RSRC1: variants seen among roughly 807,000 people sequenced by gnomAD.
The protein encoded by RSRC1 is serine/Arginine-related protein 53.
Under a neutral mutation model 49.1 loss-of-function variants are expected in RSRC1, and 39 were observed. The observed-to-expected ratio is 0.79, with a 90% CI of 0.61 to 1.04. The LOEUF (loss-of-function observed/expected upper bound fraction) is 1.04. RSRC1 is among the 50% of genes least tolerant of loss of function. The pLI is 0.00. For synonymous variants in RSRC1, 143 were observed against 130.8 expected, an observed-to-expected ratio of 1.09 and a Z score of -0.63; for missense variants, 388 against 402.4, an observed-to-expected ratio of 0.96 and a Z score of 0.31.
At chr3:158,325,649 A>C (rs1190393936) in intron 5 of RSRC1, among the ~76,000 whole-genome samples, 2 of 152,168 alleles carry the variant, frequency 1.3e-5, no homozygotes, top group African/African-American at 2.4e-5. Context: ...GTATTGTTTG[A>C]AGTCAGGTAG....
At position 158,117,662 on chromosome 3, in the gene RSRC1, A is replaced by G. The variant is rs1714930041; in HGVS notation, c.-2-4441A>G. On this transcript the variant is annotated intron_variant, in intron 1 of 9. Coordinates refer to ENST00000611884, the MANE Select transcript of RSRC1 (RefSeq NM_001271838.2). The stretch of plus-strand genomic sequence containing the variant: ...GTTTTTAAAGACAGGATCTCACCCT[A>G]TCACCCAGGCTGGGGGTGCAGTGGT... 3.3e-5 allele frequency among the ~76,000 whole-genome samples: 5 copies of G among 151,960 alleles called. No individual in the cohort carries two copies. In the South Asian group the frequency reaches 8.3e-4, roughly 25 times the overall value.
chr3:158,216,108 T>C (rs1228802339), intron 4 of RSRC1, among the ~76,000 whole-genome samples: 1 of 151,580 alleles, frequency 6.6e-6, no homozygotes. Context: ...TAAGTAGACA[T>C]ATATTTTATT....
At chr3:158,284,807 G>C (rs1726413270) in intron 4 of RSRC1, among the ~76,000 whole-genome samples, 1 of 150,686 alleles carries the variant, frequency 6.6e-6, no homozygotes, top group Non-Finnish European at 1.5e-5. Flanking sequence ...TTTGTCAGAT[G>C]AGTAGGTTGC....
At chr3:158,447,714 T>C (rs1293904341) in intron 6 of RSRC1, among the ~76,000 whole-genome samples, 3 of 151,878 alleles carry the variant, frequency 2.0e-5, no homozygotes, top group African/African-American at 7.2e-5. Context: ...TTTCCTTTCA[T>C]GAATTGAAGC....
At chr3:158,187,094 A>G (rs1365649197) in intron 3 of RSRC1, among the ~76,000 whole-genome samples, 2 of 151,964 alleles carry the variant, frequency 1.3e-5, no homozygotes, top group East Asian at 3.8e-4. Context: ...TTTATCACTC[A>G]TTGGCTCTGC....
intron 6 of RSRC1, among the ~76,000 whole-genome samples, chr3:158,429,091 T>C (rs1422987251): frequency 6.6e-6 from 1 of 151,902 alleles, no homozygotes; most frequent in Non-Finnish European, 1.5e-5. Flanking sequence ...TCTGCAGTGT[T>C]GATTTAGGCA....
In RSRC1 at chr3:158,137,075, T is replaced by C. The variant is rs925477681; in HGVS notation, c.320+13084T>C. Among the ~76,000 whole-genome samples, 42 of 152,316 alleles carry C rather than the reference T, an allele frequency of 2.8e-4. 1 individual carries two copies. The highest frequency in any genetic ancestry group is 9.4e-4 in the African/African-American group (39 of 41,578). ...GAGTCTAACCATGTATGCAGTTAAT[T>C]TTTATTCAGGTCACTATTTATTTTC... On this transcript the variant is annotated intron_variant, in intron 3 of 9. Transcript: ENST00000611884.
At chr3:158,414,487 C>G (rs1268932069) in intron 6 of RSRC1, among the ~76,000 whole-genome samples, 1 of 151,998 alleles carries the variant, frequency 6.6e-6, no homozygotes, top group Non-Finnish European at 1.5e-5. Flanking sequence ...TGCAGCAAAC[C>G]CACTGTGGCA....
chr3:158,366,767 C>T (rs1161883236), intron 6 of RSRC1, among the ~76,000 whole-genome samples: 1 of 152,094 alleles, frequency 6.6e-6, no homozygotes, highest in African/African-American at 2.4e-5. Flanking sequence ...GATATTGATT[C>T]TTCCTATCCA....
intron 4 of RSRC1, among the ~76,000 whole-genome samples, chr3:158,265,358 CA>C (rs2108043542): frequency 6.6e-6 from 1 of 152,262 alleles, no homozygotes; most frequent in South Asian, 2.1e-4. Flanking sequence ...AGGCTGGGTA[CA>C]GTGGCTCATG....
At chr3:158,311,570 T>C (rs73168704) in intron 5 of RSRC1, among the ~76,000 whole-genome samples, 18,258 of 151,856 alleles carry the variant, frequency 0.12, 1,345 homozygotes, top group Middle Eastern at 0.19. Flanking sequence ...TACTCCCCTT[T>C]TCCTCTACAC....
chr3:158,143,483 A>AT, intron 3 of RSRC1, among the ~76,000 whole-genome samples: 1 of 152,208 alleles, frequency 6.6e-6, no homozygotes, highest in Middle Eastern at 3.4e-3. Flanking sequence ...GACATTACTT[A>AT]TTTTTTTAAA....
intron 7 of RSRC1, among the ~76,000 whole-genome samples, chr3:158,518,098 G>A (rs1274455961): frequency 0.037 from 1,014 of 27,224 alleles, 8 homozygotes; most frequent in African/African-American, 0.069. Flanking sequence ...GTGCGTGCGT[G>A]TGTGTGTGTG....
chr3:158,504,400 C>G (rs1381694555), intron 7 of RSRC1, among the ~76,000 whole-genome samples: 1 of 152,168 alleles, frequency 6.6e-6, no homozygotes, highest in East Asian at 1.9e-4. Context: ...TCCCATCTGC[C>G]ATGATCAGAT....
intron 1 of RSRC1, among the ~76,000 whole-genome samples, chr3:158,119,044 G>A (rs989204290): frequency 6.6e-6 from 1 of 152,140 alleles, no homozygotes; most frequent in African/African-American, 2.4e-5. Context: ...CTTGGACCTG[G>A]TGCTTCTTTG....
chr3:158,189,394 C>CT (rs1642778277), intron 3 of RSRC1, among the ~76,000 whole-genome samples: 4 of 151,818 alleles, frequency 2.6e-5, no homozygotes, highest in Admixed American at 2.6e-4. Flanking sequence ...AAGATTCTGC[C>CT]TTTAAGTTTT....
At chr3:158,369,088 T>C (rs1348686978) in intron 6 of RSRC1, among the ~76,000 whole-genome samples, 1 of 152,104 alleles carries the variant, frequency 6.6e-6, no homozygotes, top group East Asian at 1.9e-4. Context: ...TCATGAAGTA[T>C]TTAAAATAAT....
At chr3:158,276,441 G>A in intron 4 of RSRC1, 3 of 698,678 alleles carry the variant, frequency 4.3e-6, no homozygotes, top group Non-Finnish European at 7.7e-6. Context: ...CTTGATGGCT[G>A]CCGCCAGACA....
At chr3:158,470,233 C>G (rs1215571569) in intron 7 of RSRC1, among the ~76,000 whole-genome samples, 4 of 151,580 alleles carry the variant, frequency 2.6e-5, no homozygotes, top group African/African-American at 9.7e-5. Flanking sequence ...TTTGATATTA[C>G]TCTTAGAGGT....
Sources: gnomAD v4.1 joint callset for allele counts (sites outside exome capture counted in the v4.1 genomes callset) on GRCh38, gnomAD v4.1.1 for gene constraint, MANE v1.5 for transcripts, NCBI Gene and HGNC (gene_info 2026-07-23, HGNC 2026-07-21) for gene names.